The following FOXJ3 variants were observed in gnomAD, a reference collection of about 807,000 sequenced individuals.
FOXJ3 encodes forkhead box protein J3.
FOXJ3 carries 22 observed loss-of-function variants against 76.1 expected under a neutral mutation model. That is an observed-to-expected ratio of 0.29 (90% CI 0.21 to 0.41). The LOEUF (loss-of-function observed/expected upper bound fraction) is 0.41, where lower values mean the gene tolerates loss of function less well. Among genes scored for constraint, FOXJ3 ranks in the 10% least tolerant of loss-of-function variants. FOXJ3 has a pLI of 1.00. For synonymous variants in FOXJ3, 269 were observed against 261.2 expected (o/e 1.03, Z -0.29); for missense variants, 613 against 762.1 (o/e 0.80, Z 2.30).
At chr1:42,203,506 A>C (rs1038728012) in intron 6 of FOXJ3, among the ~76,000 whole-genome samples, 2 of 152,038 alleles carry the variant, frequency 1.3e-5, no homozygotes, top group Non-Finnish European at 2.9e-5. Flanking sequence ...TCAGAACAAA[A>C]TTTTTCTCAG....
At chr1:42,314,077 A>G (rs1654965543) in intron 1 of FOXJ3, among the ~76,000 whole-genome samples, 1 of 152,176 alleles carries the variant, frequency 6.6e-6, no homozygotes, top group African/African-American at 2.4e-5. Context: ...TCAGGTTTCT[A>G]GCTTAACTCT....
intron 11 of FOXJ3, among the ~76,000 whole-genome samples, chr1:42,188,059 G>C (rs1218254849): frequency 6.6e-6 from 1 of 152,148 alleles, no homozygotes; most frequent in Non-Finnish European, 1.5e-5. Context: ...AGAGAAGAGA[G>C]AGCTTGTTGG....
chr1:42,255,257 G>A (rs1265445523), intron 4 of FOXJ3, among the ~76,000 whole-genome samples: 1 of 152,186 alleles, frequency 6.6e-6, no homozygotes, highest in Non-Finnish European at 1.5e-5. Flanking sequence ...AGAGTAGGCG[G>A]TATAAAGTGT....
chr1:42,324,125 A>ACT lies in FOXJ3; in HGVS notation c.-18+10933_-18+10934insAG, dbSNP rs1193599470. Among the ~76,000 whole-genome samples, 180 of 52,944 alleles carry ACT rather than the reference A, an allele frequency of 3.4e-3. 15 individuals carry two copies. Among genetic ancestry groups the ACT allele is most frequent in the African/African-American group, 0.015 (164 of 11,006 alleles). 34.7% of individuals were successfully genotyped at this position (52,944 alleles called of 152,430 possible). A position where few individuals can be genotyped will look rare whatever the true frequency, so the allele number is the denominator to read the frequency against. On this transcript the variant is annotated intron_variant, in intron 1 of 12. Coordinates refer to ENST00000361346, the MANE Select transcript of FOXJ3 (RefSeq NM_014947.5). ...CTGTGTATATACACTGTATATACAC[A>ACT]GTGTATATACAGTATATATACTATA...
chr1:42,309,420 C>A (rs956400604), intron 2 of FOXJ3, among the ~76,000 whole-genome samples: 1 of 152,212 alleles, frequency 6.6e-6, no homozygotes, highest in Non-Finnish European at 1.5e-5. Flanking sequence ...ATTCAAATGT[C>A]CCCTTTTTCA....
intron 5 of FOXJ3, among the ~76,000 whole-genome samples, chr1:42,209,746 G>A (rs1185372728): frequency 2.0e-5 from 3 of 152,326 alleles, no homozygotes; most frequent in Admixed American, 6.5e-5. Context: ...AGGCCCGGAG[G>A]GAAGCCATTC....
intron 2 of FOXJ3, among the ~76,000 whole-genome samples, chr1:42,282,663 A>C (rs1441273894): frequency 6.6e-6 from 1 of 152,158 alleles, no homozygotes; most frequent in Non-Finnish European, 1.5e-5. Flanking sequence ...TAACTGGATA[A>C]GGAATAAGGG....
intron 4 of FOXJ3, among the ~76,000 whole-genome samples, chr1:42,231,824 T>C (rs1313780413): frequency 6.6e-6 from 1 of 152,198 alleles, no homozygotes; most frequent in Admixed American, 6.5e-5. Flanking sequence ...TTTTATACTT[T>C]AAGTTTTAGG....
intron 2 of FOXJ3, among the ~76,000 whole-genome samples, chr1:42,285,891 G>C (rs1437101173): frequency 6.6e-6 from 1 of 152,104 alleles, no homozygotes; most frequent in Admixed American, 6.6e-5. Context: ...TGGATATGTA[G>C]AGTGCATATA....
intron 4 of FOXJ3, among the ~76,000 whole-genome samples, chr1:42,263,590 T>C (rs202194111): frequency 6.6e-6 from 1 of 152,196 alleles, no homozygotes; most frequent in Admixed American, 6.5e-5. Flanking sequence ...CTTACAAGAC[T>C]ATTATAATAA....
intron 6 of FOXJ3, among the ~76,000 whole-genome samples, chr1:42,200,021 A>AC (rs1435359498): frequency 1.3e-5 from 2 of 150,366 alleles, no homozygotes; most frequent in Non-Finnish European, 3.0e-5. Flanking sequence ...AAAAAAAAAA[A>AC]AAAAAAAGGC....
intron 2 of FOXJ3, among the ~76,000 whole-genome samples, chr1:42,298,484 A>G (rs902805508): frequency 6.6e-6 from 1 of 151,962 alleles, no homozygotes; most frequent in African/African-American, 2.4e-5. Flanking sequence ...GTCTCTGATG[A>G]TCTTTTGTAT....
intron 1 of FOXJ3, among the ~76,000 whole-genome samples, chr1:42,334,668 G>A (rs1345150158): frequency 6.6e-6 from 1 of 152,208 alleles, no homozygotes; most frequent in African/African-American, 2.4e-5. Flanking sequence ...GAGTGCCGGG[G>A]TCGGGGGCTA....
intron 11 of FOXJ3, among the ~76,000 whole-genome samples, chr1:42,187,743 G>A (rs1646466744): frequency 6.6e-6 from 1 of 152,154 alleles, no homozygotes; most frequent in Non-Finnish European, 1.5e-5. Context: ...TGGCACAGAG[G>A]GCAATCAGCC....
At chr1:42,303,891 G>A (rs1022976357) in intron 2 of FOXJ3, among the ~76,000 whole-genome samples, 1 of 152,096 alleles carries the variant, frequency 6.6e-6, no homozygotes, top group Non-Finnish European at 1.5e-5. Flanking sequence ...ATTTTGCTTT[G>A]ACCGAACCAA....
At position 42,257,493 on chromosome 1, in the gene FOXJ3, A is replaced by C. The variant is rs530832944; in HGVS notation, c.444+7622T>G. Among the ~76,000 whole-genome samples, 3 of 152,294 alleles carry C rather than the reference A, an allele frequency of 2.0e-5. No individual in the cohort carries two copies. The East Asian group carries it at 5.8e-4, about 29-fold the overall frequency. ...CACTTTGGGAGGCCAACGCGGGTGG[A>C]TAATTTGAGGTCAGGAGTTCGAGAC... On this transcript the variant is annotated intron_variant, in intron 4 of 12. Coordinates refer to ENST00000361346, the MANE Select transcript of FOXJ3 (RefSeq NM_014947.5).
At chr1:42,265,677 C>G (rs1210620697) in intron 3 of FOXJ3, among the ~76,000 whole-genome samples, 1 of 152,102 alleles carries the variant, frequency 6.6e-6, no homozygotes, top group African/African-American at 2.4e-5. Context: ...GTCTGCAAGA[C>G]ACATGTATTA....
intron 5 of FOXJ3, among the ~76,000 whole-genome samples, chr1:42,218,649 C>G (rs1313831083): frequency 6.6e-6 from 1 of 152,208 alleles, no homozygotes; most frequent in Non-Finnish European, 1.5e-5. Flanking sequence ...TTATATTCTA[C>G]ACAACAGCTA....
intron 5 of FOXJ3, among the ~76,000 whole-genome samples, chr1:42,210,985 A>G (rs1646955959): frequency 1.3e-5 from 2 of 152,302 alleles, no homozygotes; most frequent in Admixed American, 6.5e-5. Context: ...AGACAAAAGA[A>G]GCCAGACTGC....
Sources: allele counts gnomAD v4.1 joint callset (sites outside exome capture counted in the v4.1 genomes callset), GRCh38; gene constraint gnomAD v4.1.1; transcripts MANE v1.5; gene names NCBI Gene and HGNC (gene_info 2026-07-23, HGNC 2026-07-21).